The following CMKLR2 variants were observed in gnomAD, a reference collection of about 807,000 sequenced individuals.
CMKLR2 encodes chemerin-like receptor 2.
Under a neutral mutation model 23.0 loss-of-function variants are expected in CMKLR2, and 18 were observed. The ratio of observed to expected loss-of-function variants is 0.78; its 90% CI spans 0.54 to 1.16. The LOEUF (loss-of-function observed/expected upper bound fraction) is 1.16, where lower values mean the gene tolerates loss of function less well. CMKLR2 is among the 50% of genes most tolerant of loss of function. CMKLR2 has a pLI of 0.00. For missense variants in CMKLR2, 401 were observed against 412.7 expected, an observed-to-expected ratio of 0.97 and a Z score of 0.25; for synonymous variants, 158 against 158.9, an observed-to-expected ratio of 0.99 and a Z score of 0.05.
At chr2:206,199,793 G>A (rs571656491) in intron 1 of CMKLR2, among the ~76,000 whole-genome samples, 2 of 151,746 alleles carry the variant, frequency 1.3e-5, no homozygotes, top group Non-Finnish European at 2.9e-5. Context: ...ATGGGGTTTT[G>A]TCATGTTGGC....
rs761263716 is a variant in CMKLR2, at chr2:206,176,336, A to G, written c.912T>C (p.Tyr304=). The G allele has an allele frequency of 1.2e-6, 2 of 1,614,188 alleles. No homozygotes were observed. Among genetic ancestry groups the G allele is most frequent in the South Asian group, 1.1e-5 (1 of 91,084 alleles). The change falls in exon 2 of 2, where the codon TAT becomes TAC. Residue 304 remains tyrosine, a synonymous_variant. Coordinates refer to ENST00000621141, the MANE Select transcript of CMKLR2 (RefSeq NM_001389445.1). ...FLNSCLNPIL[Y]VLISKKFQAR... ...CTTGGAACTTCTTACTAATTAGGAC[A>G]TAAAGGATGGGGTTCAAGCAACTAT... is the stretch of plus-strand genomic sequence containing the variant.
intron 1 of CMKLR2, among the ~76,000 whole-genome samples, chr2:206,200,051 G>C (rs1689044484): frequency 6.6e-6 from 1 of 152,140 alleles, no homozygotes; most frequent in Admixed American, 6.5e-5. Flanking sequence ...TTCTTTCATA[G>C]TTGATATTAA....
chr2:206,202,455 G>A (rs17223039), intron 1 of CMKLR2, among the ~76,000 whole-genome samples: 12,863 of 152,228 alleles, frequency 0.084, 698 homozygotes, highest in Admixed American at 0.19. Flanking sequence ...TTGGTTTTGT[G>A]TGTGTTTTTT....
At chr2:206,179,699 G>A (rs907455908) in intron 1 of CMKLR2, among the ~76,000 whole-genome samples, 3 of 152,086 alleles carry the variant, frequency 2.0e-5, no homozygotes, top group African/African-American at 4.8e-5. Context: ...TTTTCAATCA[G>A]CACAAAAGTA....
intron 1 of CMKLR2, among the ~76,000 whole-genome samples, chr2:206,177,717 G>A (rs1053222185): frequency 6.6e-6 from 1 of 152,076 alleles, no homozygotes; most frequent in African/African-American, 2.4e-5. Flanking sequence ...AGGACTTGTG[G>A]TTATACTCCA....
chr2:206,194,454 T>C (rs1300383744), intron 1 of CMKLR2, among the ~76,000 whole-genome samples: 8 of 148,636 alleles, frequency 5.4e-5, no homozygotes, highest in African/African-American at 1.7e-4. Context: ...ACATTCGTTA[T>C]GGGCTTTTTT....
intron 1 of CMKLR2, among the ~76,000 whole-genome samples, chr2:206,209,633 G>C (rs1183952924): frequency 7.1e-6 from 1 of 141,046 alleles, no homozygotes; most frequent in Non-Finnish European, 1.5e-5. Context: ...GCCGTGTTTG[G>C]TTTTCTTTTC....
At chr2:206,205,416 G>A (rs1023040836) in intron 1 of CMKLR2, among the ~76,000 whole-genome samples, 2 of 152,096 alleles carry the variant, frequency 1.3e-5, no homozygotes, top group African/African-American at 4.8e-5. Flanking sequence ...AGGCTAGAGT[G>A]CACTAGCACA....
chr2:206,197,439 C>A (rs1371689527), intron 1 of CMKLR2, among the ~76,000 whole-genome samples: 2 of 152,182 alleles, frequency 1.3e-5, no homozygotes, highest in African/African-American at 4.8e-5. Flanking sequence ...ACACTTCAGG[C>A]ACAGGACATG....
chr2:206,214,773 G>A (rs1689696947), upstream of CMKLR2, among the ~76,000 whole-genome samples: 1 of 151,654 alleles, frequency 6.6e-6, no homozygotes, highest in Non-Finnish European at 1.5e-5. Flanking sequence ...GCAGGCGCCC[G>A]CCACCACGCC....
At chr2:206,185,183 C>A (rs370027474) in intron 1 of CMKLR2, among the ~76,000 whole-genome samples, 2 of 152,248 alleles carry the variant, frequency 1.3e-5, no homozygotes, top group African/African-American at 4.8e-5. Context: ...GATGGGGTTT[C>A]ACCATGTTGG....
At chr2:206,201,493 C>A (rs917698176) in intron 1 of CMKLR2, among the ~76,000 whole-genome samples, 4 of 152,082 alleles carry the variant, frequency 2.6e-5, no homozygotes, top group African/African-American at 9.7e-5. Flanking sequence ...CCCACACAAC[C>A]ACTTTTCATA....
At chr2:206,178,615 A>AT (rs1315532232) in intron 1 of CMKLR2, among the ~76,000 whole-genome samples, 4 of 151,604 alleles carry the variant, frequency 2.6e-5, no homozygotes, top group South Asian at 2.1e-4. Context: ...CAAAGATTAG[A>AT]TTTTTTTTTG....
intron 1 of CMKLR2, among the ~76,000 whole-genome samples, chr2:206,208,009 G>A (rs1168675154): frequency 6.6e-6 from 1 of 151,858 alleles, no homozygotes; most frequent in African/African-American, 2.4e-5. Flanking sequence ...CAAAGTGCTG[G>A]GATTACAGAC....
chr2:206,194,172 G>A (rs896022587), intron 1 of CMKLR2, among the ~76,000 whole-genome samples: 2 of 152,168 alleles, frequency 1.3e-5, no homozygotes, highest in African/African-American at 4.8e-5. Context: ...ATGAAGGGGA[G>A]GGAAGGGAAA....
chr2:206,211,732 A>C (rs1689571128), intron 1 of CMKLR2, among the ~76,000 whole-genome samples: 1 of 151,368 alleles, frequency 6.6e-6, no homozygotes, highest in Non-Finnish European at 1.5e-5. Flanking sequence ...GGCATATATA[A>C]AACAAAACAA....
intron 1 of CMKLR2, among the ~76,000 whole-genome samples, chr2:206,194,790 A>G (rs560244648): frequency 7.8e-5 from 8 of 102,640 alleles, no homozygotes; most frequent in East Asian, 5.6e-4. Flanking sequence ...GTCTCGCTCT[A>G]TCGCCCAGGC....
chr2:206,217,470 T>C (rs575469236), upstream of CMKLR2: 6 of 152,328 alleles, frequency 3.9e-5, no homozygotes, highest in African/African-American at 1.4e-4. Context: ...GGCTTCTAAA[T>C]GAGGACGAAG....
At chr2:206,200,733 G>A (rs1398560149) in intron 1 of CMKLR2, among the ~76,000 whole-genome samples, 3 of 152,168 alleles carry the variant, frequency 2.0e-5, no homozygotes, top group Non-Finnish European at 2.9e-5. Flanking sequence ...GAGTAGCTGG[G>A]ATTACAGGCA....
Sources: gnomAD v4.1 joint callset for allele counts (sites outside exome capture counted in the v4.1 genomes callset) on GRCh38, gnomAD v4.1.1 for gene constraint, MANE v1.5 for transcripts, NCBI Gene and HGNC (gene_info 2026-07-23, HGNC 2026-07-21) for gene names.